BEGAIN: variants seen among roughly 807,000 people sequenced by gnomAD.
The protein encoded by BEGAIN is brain enriched guanylate kinase associated.
In BEGAIN, 19 loss-of-function variants were observed where a neutral mutation model predicts 35.8. The ratio of observed to expected loss-of-function variants is 0.53; its 90% CI spans 0.37 to 0.78. The LOEUF is 0.78. BEGAIN is among the 30% of genes least tolerant of loss of function. The pLI is 0.00. For missense variants in BEGAIN, 795 were observed against 853.6 expected (o/e 0.93, Z 0.85); for synonymous variants, 462 against 388.6 (o/e 1.19, Z -2.22).
chr14:100,550,639 C>G (rs1595120987), intron 2 of BEGAIN: 1 of 395,688 alleles, frequency 2.5e-6, no homozygotes, highest in East Asian at 3.6e-5. Context: ...GGAGTTGGTC[C>G]CCACCCCCTG....
At position 100,562,550 on chromosome 14, in the gene BEGAIN, T is replaced by G. The variant is rs543870158; in HGVS notation, c.71+5361A>C. Among the ~76,000 whole-genome samples the G allele has an allele frequency of 2.6e-5, 4 of 151,416 alleles. No individual in the cohort carries two copies. In the South Asian group the frequency reaches 8.4e-4, roughly 32 times the overall value. Reference sequence around the variant, plus strand: ...TGGAGTTGTCTTTGACACCCCCTTTTCCCCCACACCCCATGTCACCCCCAT... The same window carrying G: ...TGGAGTTGTCTTTGACACCCCCTTTGCCCCCACACCCCATGTCACCCCCAT... On this transcript the variant is annotated intron_variant, in intron 2 of 6. Coordinates refer to ENST00000554140, the MANE Select transcript of BEGAIN (RefSeq NM_001385089.1).
chr14:100,561,195 C>T (rs71424407), intron 2 of BEGAIN, among the ~76,000 whole-genome samples: 1,969 of 152,274 alleles, frequency 0.013, 23 homozygotes, highest in Middle Eastern at 0.02. Flanking sequence ...GCTGGCCCCG[C>T]CCCCAGCTCA....
chr14:100,556,952 T>C (rs1043378645), intron 2 of BEGAIN, among the ~76,000 whole-genome samples: 2 of 152,148 alleles, frequency 1.3e-5, no homozygotes, highest in African/African-American at 4.8e-5. Flanking sequence ...CCATCCAACC[T>C]GGATTGTAGA....
At chr14:100,571,267 C>T (rs1211356929) in intron 1 of BEGAIN, among the ~76,000 whole-genome samples, 2 of 152,238 alleles carry the variant, frequency 1.3e-5, no homozygotes, top group African/African-American at 4.8e-5. Flanking sequence ...CCACTAGCCC[C>T]TGCTCTCTCC....
At position 100,546,768 on chromosome 14, in the gene BEGAIN, GCGC is replaced by G. The variant is rs1288160572; in HGVS notation, c.72-109_72-107del. ...CGCACTAACACGCGAGTACCGGCGC[GCGC>G]GCGCGCGCGCACACACACACACACA... On this transcript the variant is annotated intron_variant, in intron 2 of 6. Coordinates refer to ENST00000554140, the MANE Select transcript of BEGAIN (RefSeq NM_001385089.1). 2,105 of 702,312 alleles carry G rather than the reference GCGC, an allele frequency of 3.0e-3. 72 individuals carry two copies. In the African/African-American group the frequency reaches 0.11, roughly 37 times the overall value. The allele number at this position is 702,312 out of a possible 1,614,324, so 43.5% of individuals were successfully genotyped here.
chr14:100,556,588 C>T (rs2033746932), intron 2 of BEGAIN, among the ~76,000 whole-genome samples: 1 of 152,206 alleles, frequency 6.6e-6, no homozygotes, highest in Admixed American at 6.5e-5. Context: ...CCTGACATCC[C>T]CCCTGGGTCA....
At chr14:100,557,466 C>A (rs1566971395) in intron 2 of BEGAIN, among the ~76,000 whole-genome samples, 1 of 152,204 alleles carries the variant, frequency 6.6e-6, no homozygotes, top group Non-Finnish European at 1.5e-5. Flanking sequence ...CCCGTGCGGT[C>A]CCATTTCTGA....
chr14:100,551,984 G>A (rs2033251439), intron 2 of BEGAIN, among the ~76,000 whole-genome samples: 1 of 152,208 alleles, frequency 6.6e-6, no homozygotes, highest in Non-Finnish European at 1.5e-5. Context: ...ACAGAAAACA[G>A]GATGGGATGA....
In BEGAIN at chr14:100,586,247, C is replaced by T. The variant is rs2035442294; in HGVS notation, c.42+1002G>A. Among the ~76,000 whole-genome samples, 1 of 152,214 alleles carries T rather than the reference C, an allele frequency of 6.6e-6. No individual in the cohort carries two copies. ...GTCCAGAGAAGGAAAAGAACCTGTCCATGGCCTCCAGAGAGCCAGAGCACT... is the reference window on the plus strand; with the variant it reads ...GTCCAGAGAAGGAAAAGAACCTGTCTATGGCCTCCAGAGAGCCAGAGCACT... On this transcript the variant is annotated intron_variant, in intron 1 of 6. Transcript: ENST00000554140. This position sits in a 1 kb window ranked among gnomAD's most constrained non-coding sequence, Gnocchi z 4.9.
chr14:100,567,098 A>G lies in BEGAIN; in HGVS notation c.71+813T>C, dbSNP rs8006389. Among the ~76,000 whole-genome samples the G allele has an allele frequency of 0.54, 82,696 of 151,970 alleles. 24,824 individuals are homozygous for G. Among genetic ancestry groups the G allele is most frequent in the African/African-American group, 0.81 (33,495 of 41,486 alleles). On this transcript the variant is annotated intron_variant, in intron 2 of 6. Coordinates refer to ENST00000554140, the MANE Select transcript of BEGAIN (RefSeq NM_001385089.1). The surrounding 1 kb of genome is among the most constrained non-coding windows in gnomAD (Gnocchi z 5.1). ...GGACGGAGACCCTGTGGGCCAGGGG[A>G]GACAGTGCTGAAACCCAGCAGCCAG...
chr14:100,585,055 C>A (rs1167316757), intron 1 of BEGAIN, among the ~76,000 whole-genome samples: 1 of 152,142 alleles, frequency 6.6e-6, no homozygotes, highest in African/African-American at 2.4e-5. Flanking sequence ...AGGCCTTGGG[C>A]CAGGCTCCTG....
intron 1 of BEGAIN, among the ~76,000 whole-genome samples, chr14:100,578,363 G>A (rs1595152143): frequency 2.6e-5 from 4 of 152,350 alleles, no homozygotes; most frequent in African/African-American, 7.2e-5. Flanking sequence ...AGATGGCCAC[G>A]GTGGCCACCA....
chr14:100,579,710 C>T (rs895616823), intron 1 of BEGAIN, among the ~76,000 whole-genome samples: 2 of 152,224 alleles, frequency 1.3e-5, no homozygotes, highest in Admixed American at 6.5e-5. Context: ...CAAAGCGCCC[C>T]TGACTGAGTC....
rs572759912 is a variant in BEGAIN at position 100,539,043 on chromosome 14, C to G, written c.765G>C (p.Pro255=). The G allele has an allele frequency of 5.0e-6, 8 of 1,612,166 alleles. No individual in the cohort carries two copies. The African/African-American group carries it at 8.0e-5, about 16-fold the overall frequency. Residue 255 remains proline (P), a synonymous_variant, in exon 7 of 7, where the codon CCG becomes CCC. Transcript: ENST00000554140. The part of the protein sequence containing the change: ...IYCSDTALYC[P]EERRRDRRPS... ...GCCGCCGGTCTCGCCGCCGCTCCTC[C>G]GGGCAGTAGAGGGCTGTGTCACTGC...
At chr14:100,570,037 TCC>T (rs2035024689) in intron 1 of BEGAIN, among the ~76,000 whole-genome samples, 1 of 152,014 alleles carries the variant, frequency 6.6e-6, no homozygotes, top group Non-Finnish European at 1.5e-5. Context: ...TTGCTGGAGA[TCC>T]CGCAGCTGAA....
chr14:100,554,895 C>T (rs577873292), intron 2 of BEGAIN, among the ~76,000 whole-genome samples: 1 of 152,364 alleles, frequency 6.6e-6, no homozygotes, highest in South Asian at 2.1e-4. Context: ...CCCACCTTCC[C>T]GCCAGGCACG....
intron 1 of BEGAIN, among the ~76,000 whole-genome samples, chr14:100,574,851 T>C (rs777102879): frequency 1.2e-4 from 19 of 152,294 alleles, no homozygotes; most frequent in Non-Finnish European, 2.1e-4. Context: ...GGGACTTGCA[T>C]TGGGGGTGCT....
Position 100,575,266 on chromosome 14 carries a change from G to A in BEGAIN, c.43-7327C>T, listed in dbSNP as rs1176405238. The stretch of plus-strand genomic sequence containing the variant: ...CACCCCCTCCAGAAAGCATTCTGGG[G>A]ACACAGGCTTGTCCAGGCCAGGAAG... On this transcript the variant is annotated intron_variant, in intron 1 of 6. Transcript: ENST00000554140. Among the ~76,000 whole-genome samples, 3 of 152,206 alleles carry A rather than the reference G, an allele frequency of 2.0e-5. No individual in the cohort carries two copies. The East Asian group carries it at 5.8e-4, about 29-fold the overall frequency.
rs1259081385 is a variant in BEGAIN at position 100,573,066 on chromosome 14, G to A, written c.43-5127C>T. 6.6e-6 allele frequency among the ~76,000 whole-genome samples: 1 copy of A among 151,960 alleles called. No individual in the cohort carries two copies. Among genetic ancestry groups the A allele is most frequent in the African/African-American group, 2.4e-5 (1 of 41,330 alleles). Reference sequence around the variant, plus strand: ...GATATGTGTACAGAGAAGGATGGGAGGCAGGGTGGGGCAGGAAAGGGGTGC... The same window carrying A: ...GATATGTGTACAGAGAAGGATGGGAAGCAGGGTGGGGCAGGAAAGGGGTGC... On this transcript the variant is annotated intron_variant, in intron 1 of 6. Coordinates refer to ENST00000554140, the MANE Select transcript of BEGAIN (RefSeq NM_001385089.1). The surrounding 1 kb of genome is among the most constrained non-coding windows in gnomAD (Gnocchi z 4.2).
Sources: gnomAD v4.1 joint callset for allele counts (sites outside exome capture counted in the v4.1 genomes callset) on GRCh38, gnomAD v4.1.1 for gene constraint, Gnocchi (gnomAD v3.1) non-coding constraint, MANE v1.5 for transcripts, NCBI Gene and HGNC (gene_info 2026-07-23, HGNC 2026-07-21) for gene names.